Variants in INTS2 observed in about 807,000 individuals in gnomAD.
The protein encoded by INTS2 is KIAA1287.
In INTS2, 57 loss-of-function variants were observed where a neutral mutation model predicts 139.6. The ratio of observed to expected loss-of-function variants is 0.41; its 90% CI spans 0.33 to 0.51. INTS2 has a LOEUF of 0.51. Among genes scored for constraint, INTS2 ranks in the 20% least tolerant of loss-of-function variants. The pLI is 0.28. For synonymous variants in INTS2, 473 were observed against 493.4 expected, an observed-to-expected ratio of 0.96 and a Z score of 0.55; for missense variants, 1,196 against 1,436.7, an observed-to-expected ratio of 0.83 and a Z score of 2.71.
chr17:61,920,788 G>C (rs2079633241), intron 4 of INTS2, among the ~76,000 whole-genome samples: 1 of 151,876 alleles, frequency 6.6e-6, no homozygotes, highest in African/African-American at 2.4e-5. Flanking sequence ...GGGTGACAGA[G>C]TGAGACTCCA....
At chr17:61,900,143 G>A (rs745375079) in intron 9 of INTS2, among the ~76,000 whole-genome samples, 59 of 152,138 alleles carry the variant, frequency 3.9e-4, no homozygotes, top group Middle Eastern at 6.8e-3. Flanking sequence ...AAATGGAAAC[G>A]GACTCAGCAG....
intron 14 of INTS2, 44 bp from the exon 15 acceptor site, chr17:61,889,938 C>T (rs758584806): frequency 1.4e-5 from 17 of 1,200,950 alleles, no homozygotes; most frequent in Middle Eastern, 1.9e-4. Context: ...CTGAATTTCA[C>T]GAGTGCTTTT....
Position 61,872,444 on chromosome 17 carries a change from C to A in INTS2, c.2599G>T (p.Asp867Tyr). Residue 867 changes from aspartate (D) to tyrosine (Y), a missense_variant, in exon 20 of 25, where the codon GAT becomes TAT. Coordinates refer to ENST00000251334, the MANE Select transcript of INTS2 (RefSeq NM_001351695.2). This position sits in a 1 kb window ranked among gnomAD's most constrained non-coding sequence, Gnocchi z 4.8. ...CCATTCAACATGTGTAGGGTAATAT[C>A]CATCAGTGGGGGGCATCTAAACAAG... The part of the protein sequence containing the change: ...QRVHRCPPLM[D>Y]ITLHMLNGYL... 1 of 1,585,556 alleles carries A rather than the reference C, an allele frequency of 6.3e-7. No individual in the cohort carries two copies. Among genetic ancestry groups the A allele is most frequent in the South Asian group, 1.2e-5 (1 of 86,080 alleles).
intron 17 of INTS2, among the ~76,000 whole-genome samples, chr17:61,878,563 C>G (rs2079146367): frequency 6.6e-6 from 1 of 150,958 alleles, no homozygotes; most frequent in East Asian, 1.9e-4. Flanking sequence ...GACTCCATCT[C>G]AAAAAAATAA....
At chr17:61,889,637 A>C (rs2145924998) in intron 15 of INTS2, 149 bp downstream of exon 15, 1 of 528,674 alleles carries the variant, frequency 1.9e-6, no homozygotes, top group South Asian at 2.2e-5. Flanking sequence ...TTTATGTATC[A>C]AGTATACAAT....
intron 3 of INTS2, among the ~76,000 whole-genome samples, chr17:61,922,444 G>T (rs115538896): frequency 0.072 from 9,892 of 136,668 alleles, 1,324 homozygotes; most frequent in African/African-American, 0.26. Flanking sequence ...CTCCACACTG[G>T]GAGACAGAAT....
intron 5 of INTS2, among the ~76,000 whole-genome samples, chr17:61,913,216 T>C (rs1016450250): frequency 5.9e-5 from 9 of 151,576 alleles, no homozygotes; most frequent in Non-Finnish European, 1.2e-4. Flanking sequence ...CACATGACTA[T>C]AGTCCCAGCT....
At chr17:61,917,758 G>GT (rs2079597836) in intron 5 of INTS2, among the ~76,000 whole-genome samples, 1 of 152,022 alleles carries the variant, frequency 6.6e-6, no homozygotes, top group Admixed American at 6.6e-5. Flanking sequence ...ACCTGCACAT[G>GT]TACCCCCCTG....
At position 61,926,476 on chromosome 17, in the gene INTS2, C is replaced by A. The variant is rs1265617390; in HGVS notation, c.169G>T (p.Ala57Ser). The change falls in exon 2 of 25, where the codon GCT (alanine) becomes TCT (serine). Residue 57 changes from alanine (A) to serine (S), a missense_variant. This residue lies in a region of INTS2 where 31 missense variants were observed against 64.8 expected (regional missense o/e 0.48). Transcript: ENST00000251334. ...CAPADQSQSW[A>S]QDKKLILRLL... is the part of the protein sequence containing the mutation. ...CGAAGGATGAGTTTCTTATCCTGAG[C>A]CCAGCTTTGGCTCTGGTCAGCAGGT... 1 of 1,614,014 alleles carries A rather than the reference C, an allele frequency of 6.2e-7. No homozygotes were observed. The highest frequency in any genetic ancestry group is 8.5e-7 in the Non-Finnish European group (1 of 1,179,886).
intron 14 of INTS2, among the ~76,000 whole-genome samples, chr17:61,890,955 C>A (rs1356435911): frequency 7.7e-6 from 1 of 129,530 alleles, no homozygotes; most frequent in African/African-American, 3.0e-5. Flanking sequence ...TGCACTCCAG[C>A]CTGGGTGTCA....
At chr17:61,911,113 C>T (rs928624345) in intron 7 of INTS2, 6 of 211,316 alleles carry the variant, frequency 2.8e-5, no homozygotes, top group African/African-American at 1.4e-4. Flanking sequence ...GATGAGGTCT[C>T]GCTATGTTGC....
chr17:61,923,944 C>T (rs1057192594), intron 3 of INTS2, among the ~76,000 whole-genome samples: 8 of 152,152 alleles, frequency 5.3e-5, no homozygotes, highest in Admixed American at 2.0e-4. Flanking sequence ...TGCACCACCA[C>T]GCCCAGCTAA....
rs564610690 is a variant in INTS2, at chr17:61,924,492, C to T, written c.432+469G>A. 3.3e-5 allele frequency among the ~76,000 whole-genome samples: 5 copies of T among 152,216 alleles called. No homozygotes were observed. The South Asian group carries it at 1.0e-3, about 32-fold the overall frequency. ...TTAAGGCAGACTTATAATATCCTTTCAGGCTTTGAAAGGAAAACAAATATA... is the reference window on the plus strand; with the variant it reads ...TTAAGGCAGACTTATAATATCCTTTTAGGCTTTGAAAGGAAAACAAATATA... On this transcript the variant is annotated intron_variant, in intron 3 of 24. Coordinates refer to ENST00000251334, the MANE Select transcript of INTS2 (RefSeq NM_001351695.2).
At position 61,871,728 on chromosome 17, in the gene INTS2, G is replaced by A. The variant is rs2079090298; in HGVS notation, c.2778+537C>T. ...GTGGGTGGATCACCTCAAGTTAGGA[G>A]TTCAACACAAGCCTGGCAAACACAG... On this transcript the variant is annotated intron_variant, in intron 20 of 24. Coordinates refer to ENST00000251334, the MANE Select transcript of INTS2 (RefSeq NM_001351695.2). The surrounding 1 kb of genome is among the most constrained non-coding windows in gnomAD (Gnocchi z 4.9). 6.6e-6 allele frequency among the ~76,000 whole-genome samples: 1 copy of A among 151,954 alleles called. No homozygotes were observed. Among genetic ancestry groups the A allele is most frequent in the Non-Finnish European group, 1.5e-5 (1 of 67,990 alleles).
At chr17:61,894,146 AAAAAT>A (rs2079323599) in intron 12 of INTS2, 1 of 249,382 alleles carries the variant, frequency 4.0e-6, no homozygotes, top group South Asian at 1.6e-4. Flanking sequence ...GATAAGGTAA[AAAAAT>A]AAAATAAAAT....
intron 8 of INTS2, among the ~76,000 whole-genome samples, chr17:61,904,873 G>C (rs1039432050): frequency 2.0e-5 from 3 of 151,494 alleles, no homozygotes; most frequent in Non-Finnish European, 4.4e-5. Flanking sequence ...AATCAATGGT[G>C]AAAAGTATGG....
chr17:61,893,653 C>A lies in INTS2; in HGVS notation c.1698+112G>T. 1 of 699,394 alleles carries A rather than the reference C, an allele frequency of 1.4e-6. No individual in the cohort carries two copies. The highest frequency in any genetic ancestry group is 2.0e-6 in the Non-Finnish European group (1 of 492,702). The allele number at this position is 699,394 out of a possible 1,614,324, so 43.3% of individuals were successfully genotyped here. On this transcript the variant is annotated intron_variant, in intron 13 of 24. Transcript: ENST00000251334. The surrounding 1 kb of genome is among the most constrained non-coding windows in gnomAD (Gnocchi z 5.4). ...GAGGTTACAGTGAGCCAAGACTGCACCACTGCACTCCAACCTGGGTGACTG... is the reference window on the plus strand; with the variant it reads ...GAGGTTACAGTGAGCCAAGACTGCAACACTGCACTCCAACCTGGGTGACTG...
In INTS2 at chr17:61,872,339, T is replaced by C. The variant is rs558513297; in HGVS notation, c.2704A>G (p.Ile902Val). ...EQDRPSQNNT[I>V]GLVGQTDAPE... ...GCATCAGTTTGTCCAACTAAACCAA[T>C]TGTATTATTCTGGGAAGGCCTATCT... The change falls in exon 20 of 25, where the codon ATT (isoleucine) becomes GTT (valine). Residue 902 changes from isoleucine (I) to valine (V), a missense_variant. Ile to Val is a conservative substitution (Grantham distance 29). Transcript: ENST00000251334. This position sits in a 1 kb window ranked among gnomAD's most constrained non-coding sequence, Gnocchi z 4.8. 5.9e-5 allele frequency: 95 copies of C among 1,613,256 alleles called. No homozygotes were observed. Among genetic ancestry groups the C allele is most frequent in the Middle Eastern group, 3.3e-4 (2 of 6,056 alleles).
intron 2 of INTS2, 149 bp downstream of exon 2, chr17:61,926,203 G>A (rs1345082167): frequency 1.6e-6 from 1 of 606,264 alleles, no homozygotes; most frequent in African/African-American, 1.8e-5. Context: ...AAAAGATTCT[G>A]GAACTGTAAC....
Sources: allele counts gnomAD v4.1 joint callset (sites outside exome capture counted in the v4.1 genomes callset), GRCh38; gene constraint gnomAD v4.1.1; regional missense constraint gnomAD v4.1.1; non-coding constraint Gnocchi (gnomAD v3.1); transcripts MANE v1.5; gene names NCBI Gene and HGNC (gene_info 2026-07-23, HGNC 2026-07-21).